Variants in NUP35 observed in about 807,000 individuals in gnomAD.
The protein encoded by NUP35 is nucleoporin NUP35.
Under a neutral mutation model 41.5 loss-of-function variants are expected in NUP35, and 25 were observed. The observed-to-expected ratio is 0.60, with a 90% CI of 0.44 to 0.84. NUP35 has a LOEUF of 0.84. NUP35 is among the 40% of genes least tolerant of loss of function. The pLI is 0.00. For synonymous variants in NUP35, 149 were observed against 130.7 expected (o/e 1.14, Z -0.96); for missense variants, 396 against 396.6 (o/e 1.00, Z 0.01).
chr2:183,155,711 A>G (rs1489275905), intron 5 of NUP35, among the ~76,000 whole-genome samples: 1 of 152,092 alleles, frequency 6.6e-6, no homozygotes, highest in Non-Finnish European at 1.5e-5. Context: ...AGTTGGGATA[A>G]CAGGCATGAG....
intron 5 of NUP35, among the ~76,000 whole-genome samples, chr2:183,152,734 T>C (rs1685514417): frequency 6.6e-6 from 1 of 152,132 alleles, no homozygotes; most frequent in South Asian, 2.1e-4. Flanking sequence ...ATTTTACAGG[T>C]GAGGAAACTG....
upstream of NUP35, among the ~76,000 whole-genome samples, chr2:183,120,855 T>C (rs1161185857): frequency 6.6e-6 from 1 of 152,180 alleles, no homozygotes; most frequent in African/African-American, 2.4e-5. Context: ...TGAGGTTTGA[T>C]GTACGGGTAG....
chr2:183,128,622 A>C (rs1180526155), intron 2 of NUP35, among the ~76,000 whole-genome samples, 165 bp downstream of exon 2: 2 of 152,170 alleles, frequency 1.3e-5, no homozygotes, highest in Non-Finnish European at 2.9e-5. Context: ...AAATGCAAAA[A>C]AAATCTTAAA....
chr2:183,145,972 A>C (rs542082409), intron 4 of NUP35, among the ~76,000 whole-genome samples: 1 of 152,332 alleles, frequency 6.6e-6, no homozygotes, highest in Non-Finnish European at 1.5e-5. Flanking sequence ...ATGGTAGCTC[A>C]CGCTTGGAAT....
At chr2:183,117,615 G>C (rs1700006322) in exon 1 of NUP35, 2 of 152,134 alleles carry the variant, frequency 1.3e-5, no homozygotes, top group Admixed American at 1.3e-4. Flanking sequence ...TTTTTCTAAA[G>C]TCTTACTAAA....
intron 5 of NUP35, among the ~76,000 whole-genome samples, chr2:183,155,248 A>T (rs998909121): frequency 6.6e-6 from 1 of 152,256 alleles, no homozygotes; most frequent in African/African-American, 2.4e-5. Context: ...AAAGGTGCAT[A>T]GTAAATGTTT....
intron 7 of NUP35, among the ~76,000 whole-genome samples, chr2:183,158,896 A>T (rs952410355): frequency 6.6e-6 from 1 of 152,184 alleles, no homozygotes; most frequent in African/African-American, 2.4e-5. Context: ...TATACTCATT[A>T]AATAGTACAG....
At chr2:183,119,298 A>G (rs1700034015) in intron 1 of NUP35, among the ~76,000 whole-genome samples, 1 of 152,172 alleles carries the variant, frequency 6.6e-6, no homozygotes, top group African/African-American at 2.4e-5. Flanking sequence ...ATTTTTCAAC[A>G]TACATTTAAT....
Position 183,124,482 on chromosome 2 carries a change from C to G in NUP35, c.25C>G (p.Gln9Glu). Residue 9 changes from glutamine to glutamate, a missense_variant, in exon 1 of 9, where the codon CAG becomes GAG. Coordinates refer to ENST00000295119, the MANE Select transcript of NUP35 (RefSeq NM_138285.5). ...AATGGCAGCCTTTGCAGTGGAACCT[C>G]AGGGGCCCGCGTTAGGTGAGTGAAA... MAAFAVEP[Q>E]GPALGSEPMM... 1 of 1,614,198 alleles carries G rather than the reference C, an allele frequency of 6.2e-7. No individual in the cohort carries two copies. The highest frequency in any genetic ancestry group is 1.1e-5 in the South Asian group (1 of 91,088).
At chr2:183,147,055 C>T (rs951932412) in intron 4 of NUP35, among the ~76,000 whole-genome samples, 5 of 152,126 alleles carry the variant, frequency 3.3e-5, no homozygotes, top group African/African-American at 4.8e-5. Flanking sequence ...TGTTCATGTC[C>T]TTTGCCCACT....
chr2:183,151,699 A>G (rs367645634), intron 5 of NUP35, 50 bp downstream of exon 5: 72 of 1,523,440 alleles, frequency 4.7e-5, no homozygotes, highest in Non-Finnish European at 6.2e-5. Context: ...CTAACATTTT[A>G]TAATGAATAT....
chr2:183,118,105 G>T (rs10191080), intron 1 of NUP35, among the ~76,000 whole-genome samples: 1 of 151,952 alleles, frequency 6.6e-6, no homozygotes, highest in African/African-American at 2.4e-5. Context: ...TGAAGAAAGG[G>T]CTCCCCACCT....
chr2:183,156,695 A>ATT (rs34878845), intron 5 of NUP35, among the ~76,000 whole-genome samples: 14 of 148,620 alleles, frequency 9.4e-5, no homozygotes, highest in South Asian at 2.1e-4. Context: ...TGAGACTCGA[A>ATT]TTTTTTTTTT....
intron 4 of NUP35, among the ~76,000 whole-genome samples, chr2:183,143,950 A>G (rs1347687058): frequency 1.3e-5 from 2 of 152,224 alleles, no homozygotes; most frequent in East Asian, 3.8e-4. Context: ...GATTATCCTT[A>G]CTTCAGATAC....
chr2:183,119,510 C>G (rs1575106906), upstream of NUP35, among the ~76,000 whole-genome samples: 1 of 152,030 alleles, frequency 6.6e-6, no homozygotes, highest in East Asian at 1.9e-4. Flanking sequence ...GAAAGAAACA[C>G]AAGACTTTGC....
At position 183,128,041 on chromosome 2, in the gene NUP35, C is replaced by G. The variant is rs1027635481; in HGVS notation, c.41-246C>G. 2.6e-5 allele frequency among the ~76,000 whole-genome samples: 4 copies of G among 151,234 alleles called. No homozygotes were observed. The East Asian group carries it at 5.8e-4, about 22-fold the overall frequency. ...TGAGCTGAGATTGCGCCACTGCACT[C>G]CAGCCTGGTGACAGAGTGAGACTCG... On this transcript the variant is annotated intron_variant, in intron 1 of 8. Transcript: ENST00000295119.
At chr2:183,134,814 T>TG (rs770685076) in intron 4 of NUP35, among the ~76,000 whole-genome samples, 54 of 151,092 alleles carry the variant, frequency 3.6e-4, no homozygotes, top group African/African-American at 9.0e-4. Context: ...TTGGTAGAGA[T>TG]GGGGTGTCAC....
At chr2:183,153,337 T>A (rs906335243) in intron 5 of NUP35, among the ~76,000 whole-genome samples, 2 of 152,182 alleles carry the variant, frequency 1.3e-5, no homozygotes, top group Admixed American at 1.3e-4. Flanking sequence ...ATTTCAGCAT[T>A]AACCCAAAAG....
Position 183,139,208 on chromosome 2 carries a change from C to CTT in NUP35, c.397+5587_397+5588dup, listed in dbSNP as rs146370641. 1.7e-3 allele frequency among the ~76,000 whole-genome samples: 130 copies of CTT among 76,128 alleles called. 3 individuals are homozygous for CTT. The highest frequency in any genetic ancestry group is 6.8e-3 in the African/African-American group (118 of 17,278). 49.9% of individuals were successfully genotyped at this position (76,128 alleles called of 152,430 possible). ...TAACATTATGGTTTTGCATTTCTTT[C>CTT]TTTCTTTTTTTTTTTTTTGAGAAAA... is the stretch of plus-strand genomic sequence containing the variant. On this transcript the variant is annotated intron_variant, in intron 4 of 8. Transcript: ENST00000295119.
Sources: allele counts gnomAD v4.1 joint callset (sites outside exome capture counted in the v4.1 genomes callset), GRCh38; gene constraint gnomAD v4.1.1; transcripts MANE v1.5; gene names NCBI Gene and HGNC (gene_info 2026-07-23, HGNC 2026-07-21).